UBE2D2: variants seen among roughly 807,000 people sequenced by gnomAD.
UBE2D2 encodes ubiquitin conjugating enzyme E2 D2, also known as ubiquitin-conjugating enzyme E2 D2.
Under a neutral mutation model 24.2 loss-of-function variants are expected in UBE2D2, and 2 were observed. The ratio of observed to expected loss-of-function variants is 0.08; its 90% confidence interval spans 0.03 to 0.26. The LOEUF (loss-of-function observed/expected upper bound fraction) is 0.26. Among genes scored for constraint, UBE2D2 ranks in the 10% least tolerant of loss-of-function variants. The probability of loss-of-function intolerance (pLI) is 1.00; values close to 1 mark genes in which losing one functional copy is unlikely to be tolerated. For missense variants in UBE2D2, 44 were observed against 177.6 expected, an observed-to-expected ratio of 0.25 and a Z score of 4.28; for synonymous variants, 58 against 56.5, an observed-to-expected ratio of 1.03 and a Z score of -0.12.
At chr5:139,561,281 C>G (rs536451887), upstream of UBE2D2, 1 of 152,464 alleles carries the variant, frequency 6.6e-6, no homozygotes, top group African/African-American at 2.4e-5. Flanking sequence ...CTCCCCTGGC[C>G]CGCCAATCCC....
At chr5:139,587,672 CAA>C (rs766266617) in intron 1 of UBE2D2, among the ~76,000 whole-genome samples, 747 of 35,440 alleles carry the variant, frequency 0.021, 3 homozygotes, top group Middle Eastern at 0.047. Flanking sequence ...GACCCCATCT[CAA>C]AAAAAAAAAA....
At chr5:139,550,440 G>A (rs1454934057) in intron 1 of UBE2D2, among the ~76,000 whole-genome samples, 1 of 152,184 alleles carries the variant, frequency 6.6e-6, no homozygotes, top group Non-Finnish European at 1.5e-5. Context: ...TCAGCGCTCT[G>A]TAAAATGGAC....
chr5:139,537,740 G>A (rs1027450132), intron 1 of UBE2D2, among the ~76,000 whole-genome samples: 14 of 151,856 alleles, frequency 9.2e-5, no homozygotes, highest in East Asian at 8.0e-4. Context: ...CAAGGTGGGC[G>A]GATCACGAGG....
At chr5:139,625,610 AT>A (rs113144360) in intron 6 of UBE2D2, among the ~76,000 whole-genome samples, 114 of 141,344 alleles carry the variant, frequency 8.1e-4, no homozygotes, top group Middle Eastern at 3.8e-3. Context: ...CATCCAGCTA[AT>A]TTTTTTTTTT....
chr5:139,542,119 G>A (rs543856787), intron 1 of UBE2D2, among the ~76,000 whole-genome samples: 2 of 152,136 alleles, frequency 1.3e-5, no homozygotes, highest in East Asian at 1.9e-4. Context: ...CCTGGGAGGC[G>A]GAGGTTGCAG....
At chr5:139,592,249 C>T (rs1347094272) in intron 1 of UBE2D2, among the ~76,000 whole-genome samples, 1 of 152,056 alleles carries the variant, frequency 6.6e-6, no homozygotes, top group Non-Finnish European at 1.5e-5. Flanking sequence ...CACACCTTGG[C>T]CTTCTAAGTC....
At chr5:139,553,883 G>A (rs1247338933) in intron 1 of UBE2D2, among the ~76,000 whole-genome samples, 1 of 152,006 alleles carries the variant, frequency 6.6e-6, no homozygotes, top group African/African-American at 2.4e-5. Context: ...AGGTTTAAGC[G>A]ATTCTCGTGC....
chr5:139,536,004 T>C (rs1388454568), intron 1 of UBE2D2, among the ~76,000 whole-genome samples: 2 of 152,068 alleles, frequency 1.3e-5, no homozygotes, highest in Admixed American at 6.6e-5. Flanking sequence ...GTGATCCTCC[T>C]GCCTCAGCCT....
rs1316635407 is a variant in UBE2D2 at position 139,627,217 on chromosome 5, T to A, written c.*416T>A. 1 of 157,466 alleles carries A rather than the reference T, an allele frequency of 6.4e-6. No individual in the cohort carries two copies. The highest frequency in any genetic ancestry group is 1.9e-4 in the East Asian group (1 of 5,350). 9.8% of individuals were successfully genotyped at this position (157,466 alleles called of 1,614,324 possible). ...AATCCATTTAAACTCAAAACAGTTA[T>A]GAAAAGCAAGGTGAAGAACATGAAG... On this transcript the variant is annotated 3_prime_UTR_variant, in exon 7 of 7. Coordinates refer to ENST00000398733, the MANE Select transcript of UBE2D2 (RefSeq NM_003339.3).
intron 1 of UBE2D2, among the ~76,000 whole-genome samples, chr5:139,548,184 T>TAAAAA (rs1420608616): frequency 2.1e-5 from 1 of 46,886 alleles, no homozygotes; most frequent in African/African-American, 1.2e-4. Context: ...AAAAAAAAAA[T>TAAAAA]AAAAAAAAAA....
chr5:139,585,165 G>T (rs1046679621), intron 1 of UBE2D2, among the ~76,000 whole-genome samples: 2 of 150,572 alleles, frequency 1.3e-5, no homozygotes, highest in African/African-American at 4.9e-5. Flanking sequence ...CTCCCAAAGT[G>T]CTGGGATTAC....
At chr5:139,623,541 A>G (rs1186373718) in intron 6 of UBE2D2, 80 bp downstream of exon 6, 1 of 1,166,586 alleles carries the variant, frequency 8.6e-7, no homozygotes, top group Non-Finnish European at 1.3e-6. Flanking sequence ...TTAAGGGCTG[A>G]ATATCGGCCA....
chr5:139,548,993 C>T lies in UBE2D2; in HGVS notation c.-64+22381C>T, dbSNP rs180759265. 2.3e-3 allele frequency among the ~76,000 whole-genome samples: 353 copies of T among 152,060 alleles called. 2 individuals are homozygous for T. Among genetic ancestry groups the T allele is most frequent in the African/African-American group, 7.9e-3 (328 of 41,480 alleles). The stretch of plus-strand genomic sequence containing the variant: ...CCTCCTGAGTAGCTGGGATTACAGG[C>T]GCGTGCCACCATGCCCAGCTAATTT... On this transcript the variant is annotated intron_variant, in intron 1 of 6. Transcript: ENST00000511725.
chr5:139,542,649 G>T (rs1443268746), intron 1 of UBE2D2, among the ~76,000 whole-genome samples: 2 of 152,076 alleles, frequency 1.3e-5, no homozygotes, highest in East Asian at 3.9e-4. Context: ...ACAAATAAAA[G>T]TTCTTTATAG....
intron 1 of UBE2D2, among the ~76,000 whole-genome samples, chr5:139,571,343 G>A (rs1753347486): frequency 6.6e-6 from 1 of 150,612 alleles, no homozygotes; most frequent in Non-Finnish European, 1.5e-5. Flanking sequence ...AGAGGCGGAG[G>A]TTGCAGTGTG....
intron 6 of UBE2D2, among the ~76,000 whole-genome samples, chr5:139,624,546 G>T (rs551020480): frequency 2.2e-4 from 34 of 152,344 alleles, no homozygotes; most frequent in African/African-American, 5.5e-4. Flanking sequence ...CCAGCACTTT[G>T]GGAGGCTGAG....
chr5:139,609,375 T>C (rs1754264740), intron 2 of UBE2D2, among the ~76,000 whole-genome samples: 1 of 150,680 alleles, frequency 6.6e-6, no homozygotes, highest in Non-Finnish European at 1.5e-5. Context: ...AGACCCCATC[T>C]CTTTTTTTTT....
chr5:139,586,007 T>G (rs768579186), intron 1 of UBE2D2, among the ~76,000 whole-genome samples: 1 of 151,154 alleles, frequency 6.6e-6, no homozygotes, highest in Middle Eastern at 3.2e-3. Flanking sequence ...ATACTAGATT[T>G]GTATAGTACA....
intron 1 of UBE2D2, among the ~76,000 whole-genome samples, chr5:139,568,193 A>AT (rs1228223649): frequency 2.0e-5 from 3 of 151,796 alleles, no homozygotes; most frequent in Non-Finnish European, 4.4e-5. Context: ...AAAATACAAA[A>AT]ATTAGCCAGG....
Sources: allele counts gnomAD v4.1 joint callset (sites outside exome capture counted in the v4.1 genomes callset), GRCh38; gene constraint gnomAD v4.1.1; transcripts MANE v1.5; gene names NCBI Gene and HGNC (gene_info 2026-07-23, HGNC 2026-07-21).